Variants in ASTN1 observed in about 807,000 individuals in gnomAD.
ASTN1 encodes astrotactin 1, also known as astrotactin-1.
Under a neutral mutation model 140.7 loss-of-function variants are expected in ASTN1, and 41 were observed. That is an observed-to-expected ratio of 0.29 (90% CI 0.23 to 0.38). The LOEUF is 0.38. ASTN1 is among the 10% of genes least tolerant of loss of function. ASTN1 has a pLI of 1.00. For missense variants in ASTN1, 1,479 were observed against 1,678.8 expected, an observed-to-expected ratio of 0.88 and a Z score of 2.08; for synonymous variants, 640 against 652.2, an observed-to-expected ratio of 0.98 and a Z score of 0.29.
intron 1 of ASTN1, among the ~76,000 whole-genome samples, chr1:177,112,820 T>C (rs773079424): frequency 6.6e-6 from 1 of 152,216 alleles, no homozygotes; most frequent in African/African-American, 2.4e-5. Flanking sequence ...TTCCCTTTTT[T>C]CAAGTCAGTC....
chr1:176,989,394 A>G (rs1558013410), intron 8 of ASTN1, among the ~76,000 whole-genome samples: 1 of 152,166 alleles, frequency 6.6e-6, no homozygotes, highest in Non-Finnish European at 1.5e-5. Flanking sequence ...TCTTCTTTTC[A>G]GTGATAGGAA....
chr1:176,864,511 G>A lies in ASTN1; in HGVS notation c.3658C>T (p.Leu1220Phe). ...AGGTCCCCAAGCTGGGAAAGGATGA[G>A]ACCAGCTTTCCTATGGATCAAGCAC... is the stretch of plus-strand genomic sequence containing the variant. ...EDELGPRKAG[L>F]ILSQLGDLSS... Residue 1220 changes from leucine to phenylalanine, a missense_variant, in exon 23 of 23, where the codon CTC (leucine) becomes TTC (phenylalanine). Physicochemically the swap from Leu to Phe is conservative, Grantham distance 22 (BLOSUM62 0). Transcript: ENST00000361833. 1 of 1,614,088 alleles carries A rather than the reference G, an allele frequency of 6.2e-7. No homozygotes were observed. Among genetic ancestry groups the A allele is most frequent in the African/African-American group, 1.3e-5 (1 of 75,048 alleles).
chr1:177,002,689 A>G (rs557013617), intron 8 of ASTN1, among the ~76,000 whole-genome samples: 1 of 152,324 alleles, frequency 6.6e-6, no homozygotes, highest in Non-Finnish European at 1.5e-5. Flanking sequence ...ACTTAGGAAA[A>G]ATGATTATAG....
At chr1:177,083,226 C>T (rs1190321717) in intron 1 of ASTN1, among the ~76,000 whole-genome samples, 3 of 152,028 alleles carry the variant, frequency 2.0e-5, no homozygotes, top group Non-Finnish European at 4.4e-5. Flanking sequence ...ATATTTTCCT[C>T]ATTATGTGAG....
At chr1:176,889,762 T>C (rs1236099900) in intron 17 of ASTN1, among the ~76,000 whole-genome samples, 1 of 152,182 alleles carries the variant, frequency 6.6e-6, no homozygotes, top group Non-Finnish European at 1.5e-5. Flanking sequence ...GTTATCATGA[T>C]TTACAGTGGA....
chr1:177,026,479 G>A (rs1676117836), intron 5 of ASTN1, among the ~76,000 whole-genome samples: 1 of 152,052 alleles, frequency 6.6e-6, no homozygotes, highest in African/African-American at 2.4e-5. Context: ...CCCCCACCCT[G>A]CCCTCACCAA....
At position 176,864,070 on chromosome 1, in the gene ASTN1, A is replaced by C; in HGVS notation, c.*214T>G. The C allele has an allele frequency of 7.2e-7, 1 of 1,391,992 alleles. No homozygotes were observed. The highest frequency in any genetic ancestry group is 9.3e-7 in the Non-Finnish European group (1 of 1,074,468). 86.2% of individuals were successfully genotyped at this position (1,391,992 alleles called of 1,614,324 possible). ...CTCTAAAGAAATATGGCACTGCATG[A>C]AGCCACTGGCTGGCAGATTTCCCAA... is the stretch of plus-strand genomic sequence containing the variant. On this transcript the variant is annotated 3_prime_UTR_variant, in exon 23 of 23. Coordinates refer to ENST00000361833, the MANE Select transcript of ASTN1 (RefSeq NM_004319.3).
In ASTN1 at chr1:176,945,961, T is replaced by C. The variant is rs758501216; in HGVS notation, c.2214A>G (p.Glu738=). Residue 738 remains glutamate, a synonymous_variant, in exon 13 of 23, where the codon GAA becomes GAG. Coordinates refer to ENST00000361833, the MANE Select transcript of ASTN1 (RefSeq NM_004319.3). The part of the protein sequence containing the change: ...MFFGYNNHSK[E]VAAGQVLKGT... ...CTTTCAGCACCTGTCCGGCAGCCACTTCCTTGGAATGGTTGTTGTAACCAA... is the reference window on the plus strand; with the variant it reads ...CTTTCAGCACCTGTCCGGCAGCCACCTCCTTGGAATGGTTGTTGTAACCAA... The C allele has an allele frequency of 6.2e-7, 1 of 1,613,612 alleles. No individual in the cohort carries two copies. Among genetic ancestry groups the C allele is most frequent in the South Asian group, 1.1e-5 (1 of 91,000 alleles).
At chr1:177,078,830 T>TA (rs1679045717) in intron 1 of ASTN1, among the ~76,000 whole-genome samples, 2 of 152,082 alleles carry the variant, frequency 1.3e-5, no homozygotes, top group South Asian at 4.2e-4. Context: ...TCACATAACT[T>TA]AACAGTCAGC....
chr1:176,865,874 GC>G (rs1451167437), intron 22 of ASTN1, among the ~76,000 whole-genome samples: 1 of 152,194 alleles, frequency 6.6e-6, no homozygotes, highest in Admixed American at 6.5e-5. Context: ...AGAGAAGAGA[GC>G]TTTTGCAAGG....
rs1360532109 is a variant in ASTN1 at position 177,032,526 on chromosome 1, G to A, written c.795C>T (p.Ala265=). ...RECMNGGEDF[A]SQVTRTLDSL... ...AGTCGAGGGTGCGCGTGACCTGGCTGGCAAAGTCCTCCCCTCCGTTCATGC... is the reference window on the plus strand; with the variant it reads ...AGTCGAGGGTGCGCGTGACCTGGCTAGCAAAGTCCTCCCCTCCGTTCATGC... Residue 265 remains alanine (A), a synonymous_variant, in exon 3 of 23, where the codon GCC becomes GCT. Coordinates refer to ENST00000361833, the MANE Select transcript of ASTN1 (RefSeq NM_004319.3). 1.9e-6 allele frequency: 3 copies of A among 1,614,012 alleles called. No individual in the cohort carries two copies. The African/African-American group carries it at 4.0e-5, about 22-fold the overall frequency.
At chr1:177,016,377 A>C (rs909577028) in intron 7 of ASTN1, among the ~76,000 whole-genome samples, 4 of 151,934 alleles carry the variant, frequency 2.6e-5, no homozygotes, top group Non-Finnish European at 5.9e-5. Context: ...TGCATGGTGA[A>C]TTCTGGCTTC....
chr1:176,877,915 T>C (rs1668629959), intron 20 of ASTN1, among the ~76,000 whole-genome samples: 1 of 152,064 alleles, frequency 6.6e-6, no homozygotes, highest in Non-Finnish European at 1.5e-5. Context: ...AGAAAAGATA[T>C]AGATAATTGC....
intron 8 of ASTN1, among the ~76,000 whole-genome samples, chr1:176,971,860 A>G (rs926203518): frequency 1.3e-5 from 2 of 152,210 alleles, no homozygotes; most frequent in Non-Finnish European, 2.9e-5. Context: ...ATTGAATTAT[A>G]TGACCTCAGA....
intron 2 of ASTN1, among the ~76,000 whole-genome samples, chr1:177,049,810 C>G (rs1237139358): frequency 6.6e-6 from 1 of 152,102 alleles, no homozygotes; most frequent in East Asian, 1.9e-4. Flanking sequence ...TATCCGAACC[C>G]AAGGTGGAGT....
intron 16 of ASTN1, among the ~76,000 whole-genome samples, chr1:176,928,561 A>T (rs1485585977): frequency 6.6e-6 from 1 of 152,080 alleles, no homozygotes; most frequent in East Asian, 1.9e-4. Flanking sequence ...GGTGGGAGTG[A>T]TGTTGGAGCT....
chr1:177,013,837 G>A (rs1675411914), intron 8 of ASTN1, among the ~76,000 whole-genome samples: 1 of 152,132 alleles, frequency 6.6e-6, no homozygotes, highest in Admixed American at 6.5e-5. Context: ...CCCAGCCAAT[G>A]CAGAAAGTTA....
chr1:177,011,753 A>G (rs1675306156), intron 8 of ASTN1, among the ~76,000 whole-genome samples: 1 of 151,962 alleles, frequency 6.6e-6, no homozygotes, highest in Admixed American at 6.6e-5. Context: ...AAACACACAC[A>G]CATGCACATT....
chr1:177,054,162 T>C (rs898867607), intron 2 of ASTN1, among the ~76,000 whole-genome samples: 1 of 152,240 alleles, frequency 6.6e-6, no homozygotes. Flanking sequence ...TGCAAACTAA[T>C]AGTTGTTTAC....
Sources: allele counts gnomAD v4.1 joint callset (sites outside exome capture counted in the v4.1 genomes callset), GRCh38; gene constraint gnomAD v4.1.1; transcripts MANE v1.5; gene names NCBI Gene and HGNC (gene_info 2026-07-23, HGNC 2026-07-21).